Variants in RBFOX1 observed in about 807,000 individuals in gnomAD.
RBFOX1 encodes the protein RNA binding fox-1 homolog 1, also known as RNA binding protein fox-1 homolog 1.
In RBFOX1, 8 loss-of-function variants were observed where a neutral mutation model predicts 57.7. The observed-to-expected ratio is 0.14, with a 90% CI of 0.08 to 0.25. The LOEUF (loss-of-function observed/expected upper bound fraction) is 0.25. Ranked by LOEUF, RBFOX1 falls within the 10% of genes least tolerant of loss-of-function variation. The probability of loss-of-function intolerance (pLI) is 1.00; values close to 1 mark genes in which losing one functional copy is unlikely to be tolerated. For missense variants in RBFOX1, 611 were observed against 548.5 expected, an observed-to-expected ratio of 1.11 and a Z score of -1.14; for synonymous variants, 326 against 222.4, an observed-to-expected ratio of 1.47 and a Z score of -4.15.
At chr16:6,832,534 G>C (rs1603630108) in intron 3 of RBFOX1, among the ~76,000 whole-genome samples, 1 of 152,192 alleles carries the variant, frequency 6.6e-6, no homozygotes, top group Admixed American at 6.5e-5. Context: ...TATGCCTCTT[G>C]CTTAGTATGA....
intron 4 of RBFOX1, among the ~76,000 whole-genome samples, chr16:7,092,719 G>C (rs943899783): frequency 1.3e-5 from 2 of 152,146 alleles, no homozygotes; most frequent in Non-Finnish European, 2.9e-5. Flanking sequence ...TAAGTTAAAA[G>C]TATGTTAAAA....
chr16:7,316,295 T>C lies in RBFOX1; in HGVS notation c.28-201852T>C, dbSNP rs571883520. Among the ~76,000 whole-genome samples the C allele has an allele frequency of 3.9e-5, 6 of 152,310 alleles. No individual in the cohort carries two copies. The South Asian group carries it at 1.0e-3, about 26-fold the overall frequency. The stretch of plus-strand genomic sequence containing the variant: ...GACTTTTGAGAGTTACATGGTACTA[T>C]TGGAGAAGAGAAATGCTATGTTTTT... On this transcript the variant is annotated intron_variant, in intron 4 of 15. Coordinates refer to ENST00000550418, the MANE Select transcript of RBFOX1 (RefSeq NM_018723.4).
chr16:7,662,405 G>A (rs977478057), intron 12 of RBFOX1, among the ~76,000 whole-genome samples: 19 of 152,056 alleles, frequency 1.2e-4, no homozygotes, highest in African/African-American at 4.3e-4. Flanking sequence ...GACTCCTCCC[G>A]ACCCATTATT....
At chr16:5,841,027 G>C (rs990201071) in intron 3 of RBFOX1, among the ~76,000 whole-genome samples, 2 of 152,332 alleles carry the variant, frequency 1.3e-5, no homozygotes, top group Non-Finnish European at 2.9e-5. Flanking sequence ...TTGTGCTGCA[G>C]ATAACGTCTC....
intron 3 of RBFOX1, among the ~76,000 whole-genome samples, chr16:6,806,537 A>G (rs768157690): frequency 7.5e-4 from 114 of 152,106 alleles, no homozygotes; most frequent in Non-Finnish European, 1.3e-3. Flanking sequence ...ACCATCTTAC[A>G]TGGATAGTCT....
At chr16:7,056,417 A>G (rs1210628192) in intron 4 of RBFOX1, among the ~76,000 whole-genome samples, 1 of 152,096 alleles carries the variant, frequency 6.6e-6, no homozygotes, top group Non-Finnish European at 1.5e-5. Flanking sequence ...TCACTATGGA[A>G]TCTGTGCATT....
At chr16:5,994,670 C>A (rs2060461978) in intron 4 of RBFOX1, among the ~76,000 whole-genome samples, 2 of 152,180 alleles carry the variant, frequency 1.3e-5, no homozygotes, top group Admixed American at 1.3e-4. Context: ...GATAATATGG[C>A]AATGAGTGTG....
chr16:6,107,179 A>G (rs1465792051), intron 1 of RBFOX1, among the ~76,000 whole-genome samples: 1 of 151,896 alleles, frequency 6.6e-6, no homozygotes, highest in Admixed American at 6.6e-5. Context: ...GGGCCTTGCC[A>G]TTGGTTTCTT....
intron 4 of RBFOX1, among the ~76,000 whole-genome samples, chr16:7,450,677 G>A (rs550367843): frequency 6.6e-6 from 1 of 152,134 alleles, no homozygotes; most frequent in South Asian, 2.1e-4. Flanking sequence ...TGAAAAGAAG[G>A]GTGTTGGCAT....
intron 4 of RBFOX1, among the ~76,000 whole-genome samples, chr16:7,116,911 G>T (rs1318706631): frequency 1.3e-5 from 2 of 152,272 alleles, no homozygotes; most frequent in African/African-American, 4.8e-5. Context: ...GTGCTAGGGA[G>T]AGGAAGTTTG....
At chr16:5,304,472 T>A (rs17182688) in intron 1 of RBFOX1, among the ~76,000 whole-genome samples, 1 of 152,056 alleles carries the variant, frequency 6.6e-6, no homozygotes, top group Non-Finnish European at 1.5e-5. Flanking sequence ...TTTAGGGGAG[T>A]TGAGTCTGTC....
At chr16:6,484,601 T>A (rs812981) in intron 2 of RBFOX1, among the ~76,000 whole-genome samples, 3 of 151,918 alleles carry the variant, frequency 2.0e-5, no homozygotes, top group Admixed American at 6.6e-5. Flanking sequence ...CAGTCTACAA[T>A]GATCACCTAG....
At chr16:5,925,799 G>T (rs2058928514) in intron 4 of RBFOX1, among the ~76,000 whole-genome samples, 1 of 152,168 alleles carries the variant, frequency 6.6e-6, no homozygotes. Flanking sequence ...CTGAAGAGGA[G>T]CTTTCTCTGC....
At chr16:5,706,895 G>A (rs1047583843) in intron 3 of RBFOX1, among the ~76,000 whole-genome samples, 1 of 152,062 alleles carries the variant, frequency 6.6e-6, no homozygotes, top group Admixed American at 6.5e-5. Context: ...GGTTCCTCCA[G>A]CCCTAGCCTA....
At chr16:5,479,061 C>T (rs987198003) in intron 2 of RBFOX1, among the ~76,000 whole-genome samples, 2 of 152,148 alleles carry the variant, frequency 1.3e-5, no homozygotes, top group African/African-American at 4.8e-5. Flanking sequence ...CCATCTGTTC[C>T]CTTCCAGGAC....
At chr16:5,453,833 C>T (rs563901373) in intron 1 of RBFOX1, among the ~76,000 whole-genome samples, 72 of 152,208 alleles carry the variant, frequency 4.7e-4, no homozygotes, top group African/African-American at 1.6e-3. Context: ...GGAAGTTAGC[C>T]GAAGGGTAAG....
intron 4 of RBFOX1, among the ~76,000 whole-genome samples, chr16:7,290,897 C>A (rs1054966667): frequency 2.0e-5 from 3 of 152,182 alleles, no homozygotes; most frequent in Non-Finnish European, 4.4e-5. Context: ...AGCAATACCC[C>A]TGTGAAGAAT....
chr16:6,946,231 G>A (rs2079488479), intron 3 of RBFOX1, among the ~76,000 whole-genome samples: 1 of 152,224 alleles, frequency 6.6e-6, no homozygotes, highest in African/African-American at 2.4e-5. Context: ...TATGGTTTCT[G>A]TGATAACTGC....
intron 1 of RBFOX1, among the ~76,000 whole-genome samples, chr16:5,357,266 G>A (rs533609207): frequency 7.1e-4 from 108 of 152,306 alleles, no homozygotes; most frequent in Middle Eastern, 3.4e-3. Flanking sequence ...TAGCTGATTG[G>A]CTTATGGCTG....
Sources: allele counts gnomAD v4.1 joint callset (sites outside exome capture counted in the v4.1 genomes callset), GRCh38; gene constraint gnomAD v4.1.1; transcripts MANE v1.5; gene names NCBI Gene and HGNC (gene_info 2026-07-23, HGNC 2026-07-21).